Variants in AMPD3 observed in about 807,000 individuals in gnomAD.
AMPD3 encodes the protein adenosine monophosphate deaminase 3, also known as AMP deaminase 3.
AMPD3 carries 57 observed loss-of-function variants against 82.3 expected under a neutral mutation model. The observed-to-expected ratio is 0.69, with a 90% CI of 0.56 to 0.86. AMPD3 has a LOEUF of 0.86. AMPD3 is among the 40% of genes least tolerant of loss of function. The probability of loss-of-function intolerance (pLI) is 0.00; values close to 1 mark genes in which losing one functional copy is unlikely to be tolerated. For synonymous variants in AMPD3, 381 were observed against 394.7 expected, an observed-to-expected ratio of 0.97 and a Z score of 0.41; for missense variants, 870 against 1,003.8, an observed-to-expected ratio of 0.87 and a Z score of 1.80.
At chr11:10,465,061 A>G (rs1260036677) in intron 2 of AMPD3, among the ~76,000 whole-genome samples, 1 of 152,256 alleles carries the variant, frequency 6.6e-6, no homozygotes, top group Non-Finnish European at 1.5e-5. Context: ...CCTAAACTGC[A>G]AAATGAGAAT....
In AMPD3 at chr11:10,471,174, C is replaced by G. The variant is rs1035055824; in HGVS notation, c.222-7352C>G. On this transcript the variant is annotated intron_variant, in intron 2 of 14. Transcript: ENST00000396553. ...AATAACACCACACATCTACAATCAT[C>G]TGATCTTTGACAAACCTGGCACAAA... Among the ~76,000 whole-genome samples the G allele has an allele frequency of 5.9e-5, 9 of 152,322 alleles. No homozygotes were observed. In the East Asian group the frequency reaches 7.7e-4, roughly 13 times the overall value.
chr11:10,484,431 T>G, intron 4 of AMPD3: 1 of 985,392 alleles, frequency 1.0e-6, no homozygotes, highest in Non-Finnish European at 1.2e-6. Context: ...AAGACACCGC[T>G]GCTCTTTTTA....
chr11:10,461,167 C>T (rs1042016483), intron 1 of AMPD3: 2 of 1,212,846 alleles, frequency 1.6e-6, no homozygotes, highest in Admixed American at 3.5e-5. Context: ...GAGCTGAACT[C>T]TCTCTTGTCC....
chr11:10,502,799 C>T lies in AMPD3; in HGVS notation c.1921C>T (p.Leu641Phe), dbSNP rs1420715771. ...TCCTCTTAGCAACAACAGTTTGTTC[C>T]TCGAATATTCCAAGAACCCTCTGAG... is the stretch of plus-strand genomic sequence containing the variant. The part of the protein sequence containing the change: ...MSPLSNNSLF[L>F]EYSKNPLREF... Residue 641 changes from leucine (L) to phenylalanine (F), a missense_variant, in exon 13 of 15, where the codon CTC becomes TTC. Leu to Phe is a conservative substitution (Grantham distance 22, BLOSUM62 0). Transcript: ENST00000396553. 3 of 1,614,124 alleles carry T rather than the reference C, an allele frequency of 1.9e-6. No homozygotes were observed. Among genetic ancestry groups the T allele is most frequent in the Non-Finnish European group, 1.7e-6 (2 of 1,179,972 alleles).
Position 10,506,142 on chromosome 11 carries a change from C to A in AMPD3, c.*258C>A, listed in dbSNP as rs1591491297. On this transcript the variant is annotated 3_prime_UTR_variant, in exon 15 of 15. Coordinates refer to ENST00000396553, the MANE Select transcript of AMPD3 (RefSeq NM_001025389.2). This position sits in a 1 kb window ranked among gnomAD's most constrained non-coding sequence, Gnocchi z 4.1. ...TTGTCTATACTTGTTCCTAATTTTC[C>A]AAGTATTTCTCTTGAAACTGCCAGT... 1.2e-5 allele frequency: 6 copies of A among 504,080 alleles called. No homozygotes were observed. Among genetic ancestry groups the A allele is most frequent in the South Asian group, 1.0e-4 (5 of 48,224 alleles). 31.2% of individuals were successfully genotyped at this position (504,080 alleles called of 1,614,324 possible).
upstream of AMPD3, among the ~76,000 whole-genome samples, chr11:10,451,893 G>A (rs1012835346): frequency 1.3e-5 from 2 of 152,180 alleles, no homozygotes; most frequent in African/African-American, 4.8e-5. Flanking sequence ...GAGTGTTAGT[G>A]GAGCCATTGA....
chr11:10,473,860 T>C (rs1038517947), intron 2 of AMPD3, among the ~76,000 whole-genome samples: 2 of 152,224 alleles, frequency 1.3e-5, no homozygotes, highest in Admixed American at 6.5e-5. Flanking sequence ...TCCCGCCTGA[T>C]GGCATTCAGA....
chr11:10,461,174 G>T, intron 1 of AMPD3: 3 of 1,220,772 alleles, frequency 2.5e-6, no homozygotes, highest in African/African-American at 1.6e-5. Flanking sequence ...ACTCTCTCTT[G>T]TCCCTTCTCA....
chr11:10,473,410 C>A (rs111559882), intron 2 of AMPD3: 1 of 985,010 alleles, frequency 1.0e-6, no homozygotes, highest in Non-Finnish European at 1.2e-6. Flanking sequence ...AAGGGAGAAG[C>A]GAAGGTGAGT....
At chr11:10,486,664 C>A (rs1208241123) in intron 5 of AMPD3, 57 of 985,266 alleles carry the variant, frequency 5.8e-5, no homozygotes, top group Non-Finnish European at 5.9e-5. Context: ...ATCCTTGGGC[C>A]GTGGCCATTA....
At chr11:10,494,851 A>C in intron 7 of AMPD3, 48 bp from the exon 8 acceptor site, 1 of 1,594,610 alleles carries the variant, frequency 6.3e-7, no homozygotes, top group South Asian at 1.1e-5. Context: ...GGGAACGTGC[A>C]TGGTGGCTGC....
rs1849372886 is a variant in AMPD3 at position 10,495,659 on chromosome 11, C to T, written c.1356C>T (p.Asn452=). The part of the protein sequence containing the change: ...IYGRSPEEWP[N]LAYWFIQHKV... ...GCCGCAGTCCTGAGGAGTGGCCCAA[C>T]CTGGCCTACTGGTTCATCCAGCACA... The change falls in exon 9 of 15, where the codon AAC becomes AAT. Residue 452 remains asparagine, a synonymous_variant. Coordinates refer to ENST00000396553, the MANE Select transcript of AMPD3 (RefSeq NM_001025389.2). 2.5e-6 allele frequency: 4 copies of T among 1,614,156 alleles called. No individual in the cohort carries two copies. The highest frequency in any genetic ancestry group is 1.7e-5 in the Admixed American group (1 of 60,018).
rs59697397 is a variant in AMPD3, at chr11:10,491,135, G to A, written c.940-2214G>A. Among the ~76,000 whole-genome samples, 1,482 of 152,316 alleles carry A rather than the reference G, an allele frequency of 9.7e-3. 28 individuals carry two copies. The highest frequency in any genetic ancestry group is 0.034 in the African/African-American group (1,401 of 41,562). ...CCGCCTCCTCACCCCAGCCCGGGCT[G>A]AGCGCCCAGTCGGCCGCAGCAGTAG... On this transcript the variant is annotated intron_variant, in intron 6 of 14. Coordinates refer to ENST00000396553, the MANE Select transcript of AMPD3 (RefSeq NM_001025389.2).
At chr11:10,452,950 G>T (rs61264398), upstream of AMPD3, among the ~76,000 whole-genome samples, 59,304 of 151,742 alleles carry the variant, frequency 0.39, 12,583 homozygotes, top group East Asian at 0.68. Context: ...AGTTTTTTTT[G>T]TTGTTGTTTG....
chr11:10,483,742 C>A (rs1321459086), intron 4 of AMPD3, among the ~76,000 whole-genome samples: 1 of 152,264 alleles, frequency 6.6e-6, no homozygotes, highest in Non-Finnish European at 1.5e-5. Flanking sequence ...TGCATCAGCC[C>A]CTCTGTGGCT....
chr11:10,496,134 C>A (rs2133926995), intron 9 of AMPD3: 1 of 734,084 alleles, frequency 1.4e-6, no homozygotes, highest in South Asian at 6.1e-5. Context: ...CCAGGCTGGT[C>A]TTGAACTCCT....
chr11:10,496,158 A>G, intron 9 of AMPD3: 1 of 904,458 alleles, frequency 1.1e-6, no homozygotes, highest in Non-Finnish European at 1.3e-6. Context: ...CTCGTGATCC[A>G]CCTGCCTCAG....
chr11:10,462,217 T>G (rs1386623246), intron 2 of AMPD3, among the ~76,000 whole-genome samples: 2 of 152,174 alleles, frequency 1.3e-5, no homozygotes, highest in African/African-American at 4.8e-5. Context: ...TTATAATAAG[T>G]GCTGTATCAG....
At chr11:10,487,786 C>T (rs1040625954) in intron 6 of AMPD3, among the ~76,000 whole-genome samples, 4 of 152,118 alleles carry the variant, frequency 2.6e-5, no homozygotes, top group South Asian at 2.1e-4. Flanking sequence ...CATTGTTCAG[C>T]TCCCTTATAA....
Sources: allele counts gnomAD v4.1 joint callset (sites outside exome capture counted in the v4.1 genomes callset), GRCh38; gene constraint gnomAD v4.1.1; non-coding constraint Gnocchi (gnomAD v3.1); transcripts MANE v1.5; gene names NCBI Gene and HGNC (gene_info 2026-07-23, HGNC 2026-07-21).